The following BABAM2 variants were observed in gnomAD, a reference collection of about 807,000 sequenced individuals.
BABAM2 encodes the protein BRISC and BRCA1 A complex member 2.
Under a neutral mutation model 54.7 loss-of-function variants are expected in BABAM2, and 31 were observed. The observed-to-expected ratio is 0.57, with a 90% CI of 0.43 to 0.77. The LOEUF (loss-of-function observed/expected upper bound fraction) is 0.77, where lower values mean the gene tolerates loss of function less well. Among genes scored for constraint, BABAM2 ranks in the 30% least tolerant of loss-of-function variants. The pLI, the probability that BABAM2 is intolerant of heterozygous loss-of-function variation, is 0.00. For missense variants in BABAM2, 364 were observed against 455.8 expected, an observed-to-expected ratio of 0.80 and a Z score of 1.83; for synonymous variants, 167 against 162.9, an observed-to-expected ratio of 1.03 and a Z score of -0.19.
chr2:28,233,192 C>A, intron 7 of BABAM2: 1 of 471,656 alleles, frequency 2.1e-6, no homozygotes, highest in Non-Finnish European at 4.4e-6. Context: ...CCGCTTCCTC[C>A]CCGCACCACT....
chr2:28,276,263 T>G (rs1685870125), intron 10 of BABAM2, among the ~76,000 whole-genome samples: 1 of 152,024 alleles, frequency 6.6e-6, no homozygotes, highest in South Asian at 2.1e-4. Flanking sequence ...AAAAGATGAC[T>G]AAGCAAGGGG....
At chr2:28,120,274 G>T (rs1668958019) in intron 6 of BABAM2, among the ~76,000 whole-genome samples, 1 of 152,214 alleles carries the variant, frequency 6.6e-6, no homozygotes, top group South Asian at 2.1e-4. Flanking sequence ...AGAAGAAATG[G>T]TTCCTTAAGT....
At chr2:27,918,773 T>C (rs12478544) in intron 2 of BABAM2, among the ~76,000 whole-genome samples, 149,900 of 152,234 alleles carry the variant, frequency 0.98, 73,848 homozygotes, top group South Asian at 1. Context: ...ACTGCAGTCT[T>C]GACCTCCCTG....
chr2:28,196,744 G>A (rs777384639), intron 7 of BABAM2, among the ~76,000 whole-genome samples: 4 of 151,576 alleles, frequency 2.6e-5, no homozygotes, highest in Non-Finnish European at 5.9e-5. Flanking sequence ...AGCTACTCAG[G>A]AGGCTGAGGT....
intron 2 of BABAM2, among the ~76,000 whole-genome samples, chr2:27,928,823 A>G (rs927642265): frequency 2.0e-5 from 3 of 152,062 alleles, no homozygotes; most frequent in African/African-American, 4.8e-5. Context: ...GCTGTTATGC[A>G]GTTGAACTTA....
chr2:28,232,895 C>T (rs900014770), intron 7 of BABAM2, among the ~76,000 whole-genome samples: 1 of 152,110 alleles, frequency 6.6e-6, no homozygotes, highest in African/African-American at 2.4e-5. Context: ...ATAGACAGTT[C>T]TTACATTTGA....
chr2:27,982,844 TACAC>T lies in BABAM2; in HGVS notation c.206-5113_206-5110del, dbSNP rs146744707. On this transcript the variant is annotated intron_variant, in intron 3 of 11. Coordinates refer to ENST00000379624, the MANE Select transcript of BABAM2 (RefSeq NM_199191.3). ...AGGCTGAATAATATTTCATTATGTG[TACAC>T]ACACACACACACACACACACACACA... 5.6e-3 allele frequency among the ~76,000 whole-genome samples: 718 copies of T among 127,088 alleles called. 3 individuals carry two copies. The highest frequency in any genetic ancestry group is 0.013 in the Middle Eastern group (3 of 224). The allele number at this position is 127,088 out of a possible 152,430, so 83.4% of individuals were successfully genotyped here.
intron 3 of BABAM2, among the ~76,000 whole-genome samples, chr2:27,958,912 G>A (rs908344783): frequency 3.9e-5 from 6 of 152,112 alleles, no homozygotes; most frequent in African/African-American, 1.2e-4. Flanking sequence ...CTCTGTGTTC[G>A]TGAGTTCTGA....
Position 28,044,390 on chromosome 2 carries a change from C to T in BABAM2, c.496-1335C>T, listed in dbSNP as rs1027560302. 1.7e-4 allele frequency among the ~76,000 whole-genome samples: 26 copies of T among 152,044 alleles called. 1 individual carries two copies. The highest frequency in any genetic ancestry group is 4.8e-4 in the African/African-American group (20 of 41,382). The stretch of plus-strand genomic sequence containing the variant: ...GACTACAGGCACGTGCCACCACGCC[C>T]GGCTAATTTTTGTATTCTTTAGTGG... On this transcript the variant is annotated intron_variant, in intron 5 of 11. Transcript: ENST00000379624.
At chr2:28,006,326 C>T (rs1673973770) in intron 4 of BABAM2, among the ~76,000 whole-genome samples, 1 of 152,030 alleles carries the variant, frequency 6.6e-6, no homozygotes, top group Non-Finnish European at 1.5e-5. Context: ...GTTTCCCCTA[C>T]CATCCTGGTT....
chr2:28,086,533 T>C (rs763381826), intron 6 of BABAM2, among the ~76,000 whole-genome samples: 1 of 152,194 alleles, frequency 6.6e-6, no homozygotes, highest in Non-Finnish European at 1.5e-5. Flanking sequence ...TTTTTTTGCG[T>C]CTAACCTAGC....
At chr2:27,954,821 GACTC>G (rs774218148) in intron 3 of BABAM2, among the ~76,000 whole-genome samples, 36 of 152,272 alleles carry the variant, frequency 2.4e-4, no homozygotes, top group Middle Eastern at 3.4e-3. Context: ...CCAGAAATAT[GACTC>G]ACTATTTGGT....
upstream of BABAM2, chr2:27,890,355 G>A (rs1422553099): frequency 6.2e-7 from 1 of 1,612,274 alleles, no homozygotes; most frequent in South Asian, 1.1e-5. The surrounding 1 kb of genome is among the most constrained non-coding windows in gnomAD (Gnocchi z 4.8). Flanking sequence ...TCGCTCAAAG[G>A]TGCTGCTGTC....
intron 6 of BABAM2, among the ~76,000 whole-genome samples, chr2:28,113,597 C>G (rs1202277937): frequency 1.3e-5 from 2 of 151,966 alleles, no homozygotes; most frequent in Non-Finnish European, 2.9e-5. Context: ...GCCTCCAGCT[C>G]TGTTCTTTTT....
intron 3 of BABAM2, among the ~76,000 whole-genome samples, chr2:27,933,775 T>G (rs1056696845): frequency 4.1e-5 from 6 of 147,696 alleles, no homozygotes; most frequent in Admixed American, 1.3e-4. Context: ...TTTTTTTTTT[T>G]TTTTTTTTTT....
intron 2 of BABAM2, among the ~76,000 whole-genome samples, chr2:27,926,908 C>T (rs1452140299): frequency 3.9e-5 from 6 of 151,902 alleles, no homozygotes; most frequent in Non-Finnish European, 8.8e-5. Flanking sequence ...ATTAGCATAT[C>T]CTCATCTCAA....
rs182215508 is a variant in BABAM2, at chr2:28,102,678, C to T, written c.571-26593C>T. 9.5e-4 allele frequency among the ~76,000 whole-genome samples: 144 copies of T among 152,274 alleles called. 1 individual carries two copies. Among genetic ancestry groups the T allele is most frequent in the Admixed American group, 3.5e-3 (53 of 15,294 alleles). The stretch of plus-strand genomic sequence containing the variant: ...TAGGATGCAGGAAAACAGTGTCTTC[C>T]ACTTTGGGGTCTTTGAACTTATTTC... On this transcript the variant is annotated intron_variant, in intron 6 of 11. Transcript: ENST00000379624.
chr2:28,172,652 G>T (rs947484790), intron 7 of BABAM2, among the ~76,000 whole-genome samples: 1 of 152,178 alleles, frequency 6.6e-6, no homozygotes, highest in Non-Finnish European at 1.5e-5. Flanking sequence ...GTATATGCAC[G>T]TGGGTGGGTG....
Position 28,338,594 on chromosome 2 carries a change from G to T in BABAM2, c.*81G>T, listed in dbSNP as rs145476479. 6.8e-5 allele frequency: 103 copies of T among 1,509,680 alleles called. No individual in the cohort carries two copies. Among genetic ancestry groups the T allele is most frequent in the Non-Finnish European group, 8.9e-5 (97 of 1,087,638 alleles). The allele number at this position is 1,509,680 out of a possible 1,614,324, so 93.5% of individuals were successfully genotyped here. On this transcript the variant is annotated 3_prime_UTR_variant, in exon 12 of 12. Coordinates refer to ENST00000379624, the MANE Select transcript of BABAM2 (RefSeq NM_199191.3). ...CACATACAGCCGCTTCCTGGAAGCC[G>T]CCTGGAATGTCTTCACGGCAGCGTT...
Sources: gnomAD v4.1 joint callset for allele counts (sites outside exome capture counted in the v4.1 genomes callset) on GRCh38, gnomAD v4.1.1 for gene constraint, Gnocchi (gnomAD v3.1) non-coding constraint, MANE v1.5 for transcripts, NCBI Gene and HGNC (gene_info 2026-07-23, HGNC 2026-07-21) for gene names.